Variants in FSIP2 observed in about 807,000 individuals in gnomAD.
The protein encoded by FSIP2 is fibrous sheath-interacting protein 2.
Under a neutral mutation model 510.5 loss-of-function variants are expected in FSIP2, and 367 were observed. The ratio of observed to expected loss-of-function variants is 0.72; its 90% CI spans 0.66 to 0.78. FSIP2 has a LOEUF of 0.78. Ranked by LOEUF, FSIP2 falls within the 30% of genes least tolerant of loss-of-function variation. FSIP2 has a pLI of 0.00. For missense variants in FSIP2, 7,594 were observed against 7,901.7 expected (o/e 0.96, Z 1.48); for synonymous variants, 2,601 against 2,732.2 (o/e 0.95, Z 1.50).
At chr2:185,773,444 C>T (rs1375848952) in intron 13 of FSIP2, among the ~76,000 whole-genome samples, 1 of 152,164 alleles carries the variant, frequency 6.6e-6, no homozygotes, top group Admixed American at 6.5e-5. Flanking sequence ...TTCACTTTGA[C>T]TGTAGTCTGG....
intron 7 of FSIP2, among the ~76,000 whole-genome samples, chr2:185,751,655 T>G (rs1397773718): frequency 6.6e-6 from 1 of 151,480 alleles, no homozygotes; most frequent in African/African-American, 2.4e-5. Context: ...TCTATGTTCT[T>G]TTCTTCATTT....
chr2:185,795,969 C>G lies in FSIP2; in HGVS notation c.8833C>G (p.Leu2945Val), dbSNP rs750106468. Residue 2945 changes from leucine to valine, a missense_variant, in exon 16 of 23, where the codon CTA (leucine) becomes GTA (valine). Physicochemically the swap from Leu to Val is conservative, Grantham distance 32. Coordinates refer to ENST00000424728, the MANE Select transcript of FSIP2 (RefSeq NM_173651.4). ...QIPTPDSEET[L>V]SNSKEHITAK... ...TCCCACTCCAGATAGTGAAGAAACT[C>G]TATCAAACAGTAAAGAACACATTAC... The G allele has an allele frequency of 6.5e-6, 10 of 1,534,754 alleles. No homozygotes were observed. In the South Asian group the frequency reaches 9.5e-5, roughly 15 times the overall value.
In FSIP2 at chr2:185,746,747, A is replaced by G; in HGVS notation, c.696A>G (p.Arg232=). 6.5e-7 allele frequency: 1 copy of G among 1,532,850 alleles called. No homozygotes were observed. The highest frequency in any genetic ancestry group is 8.7e-7 in the Non-Finnish European group (1 of 1,145,422). 95.0% of individuals were successfully genotyped at this position (1,532,850 alleles called of 1,614,324 possible). The change falls in exon 6 of 23, where the codon AGA becomes AGG. Residue 232 remains arginine (R), a synonymous_variant. Coordinates refer to ENST00000424728, the MANE Select transcript of FSIP2 (RefSeq NM_173651.4). ...AEEQRLFLMD[R]EERRQREHTR... is the part of the protein sequence containing the mutation. ...AACAACGCCTATTCCTAATGGATAG[A>G]GAAGAAAGACGACAGCGGGAACACA...
At position 185,796,955 on chromosome 2, in the gene FSIP2, G is replaced by T. The variant is rs758835152; in HGVS notation, c.9819G>T (p.Leu3273=). 1 of 1,534,906 alleles carries T rather than the reference G, an allele frequency of 6.5e-7. No homozygotes were observed. The highest frequency in any genetic ancestry group is 8.7e-7 in the Non-Finnish European group (1 of 1,146,238). The change falls in exon 16 of 23, where the codon CTG becomes CTT. Residue 3273 remains leucine (L), a synonymous_variant. Coordinates refer to ENST00000424728, the MANE Select transcript of FSIP2 (RefSeq NM_173651.4). The stretch of plus-strand genomic sequence containing the variant: ...CTGAAGGCAGTTTCTTACAAAAGCT[G>T]CTTAGGAAAGCAAGTGACTCCACAG... ...YLPEGSFLQK[L]LRKASDSTEA...
In FSIP2 at chr2:185,790,858, A is replaced by C; in HGVS notation, c.3722A>C (p.Glu1241Ala). ...TTATCTTTATTTGACGTTGATCCTG[A>C]AAAGCCTCCCTGGTTAAAATCTGGA... ...KYLSLFDVDP[E>A]KPPWLKSGKS... Residue 1241 changes from glutamate (E) to alanine (A), a missense_variant, in exon 16 of 23, where the codon GAA (glutamate) becomes GCA (alanine). Transcript: ENST00000424728. The C allele has an allele frequency of 6.5e-7, 1 of 1,532,894 alleles. No individual in the cohort carries two copies. The highest frequency in any genetic ancestry group is 8.7e-7 in the Non-Finnish European group (1 of 1,144,876). The allele number at this position is 1,532,894 out of a possible 1,614,324, so 95.0% of individuals were successfully genotyped here. A position where few individuals can be genotyped will look rare whatever the true frequency, so the allele number is the denominator to read the frequency against.
rs750756442 is a variant in FSIP2 at position 185,807,793 on chromosome 2, G to T, written c.18487G>T (p.Val6163Leu). The change falls in exon 17 of 23, where the codon GTG becomes TTG. Residue 6163 changes from valine (V) to leucine (L), a missense_variant. Transcript: ENST00000424728. Reference sequence around the variant, plus strand: ...TAAAGATGTTTTCCAAACTACTGATGTGCCCCTACCTAAACCTTCACATGC... The same window carrying T: ...TAAAGATGTTTTCCAAACTACTGATTTGCCCCTACCTAAACCTTCACATGC... ...ILKDVFQTTD[V>L]PLPKPSHADK... 17 of 1,612,642 alleles carry T rather than the reference G, an allele frequency of 1.1e-5. No homozygotes were observed. The South Asian group carries it at 1.6e-4, about 16-fold the overall frequency.
chr2:185,805,331 C>T lies in FSIP2; in HGVS notation c.16025C>T (p.Pro5342Leu). The change falls in exon 17 of 23, where the codon CCA (proline) becomes CTA (leucine). Residue 5342 changes from proline to leucine, a missense_variant. Coordinates refer to ENST00000424728, the MANE Select transcript of FSIP2 (RefSeq NM_173651.4). ...PNAEKMFSFP[P>L]IDKETVDKIS... ...GCTGAAAAAATGTTTTCTTTTCCACCAATTGATAAAGAGACAGTTGATAAA... is the reference window on the plus strand; with the variant it reads ...GCTGAAAAAATGTTTTCTTTTCCACTAATTGATAAAGAGACAGTTGATAAA... 1 of 1,597,036 alleles carries T rather than the reference C, an allele frequency of 6.3e-7. No individual in the cohort carries two copies. The highest frequency in any genetic ancestry group is 2.2e-5 in the East Asian group (1 of 44,656).
rs1390112242 is a variant in FSIP2, at chr2:185,801,552, C to A, written c.12246C>A (p.Gly4082=). 1.3e-6 allele frequency: 2 copies of A among 1,534,022 alleles called. No individual in the cohort carries two copies. Among genetic ancestry groups the A allele is most frequent in the South Asian group, 2.4e-5 (2 of 83,982 alleles). The change falls in exon 17 of 23, where the codon GGC becomes GGA. Residue 4082 remains glycine, a synonymous_variant. Coordinates refer to ENST00000424728, the MANE Select transcript of FSIP2 (RefSeq NM_173651.4). ...CAATAGCAGAACAAATAACAAATGG[C>A]ATATTGTTAGAGATTTTAGACTACA... ...NASIAEQITN[G]ILLEILDYKL...
Position 185,807,352 on chromosome 2 carries a change from G to A in FSIP2, c.18046G>A (p.Val6016Met). ...ATTACCTCATAAATTTTTGGAGAAT[G>A]TGATTTCTGCTCTTTTCTCCAAAAT... ...IILPHKFLEN[V>M]ISALFSKIFS... Residue 6016 changes from valine (V) to methionine (M), a missense_variant, in exon 17 of 23, where the codon GTG becomes ATG. Coordinates refer to ENST00000424728, the MANE Select transcript of FSIP2 (RefSeq NM_173651.4). The A allele has an allele frequency of 6.2e-7, 1 of 1,610,006 alleles. No homozygotes were observed. The highest frequency in any genetic ancestry group is 8.5e-7 in the Non-Finnish European group (1 of 1,178,626).
chr2:185,744,515 A>T, intron 4 of FSIP2, 104 bp downstream of exon 4: 1 of 266,604 alleles, frequency 3.8e-6, no homozygotes, highest in Non-Finnish European at 7.0e-6. Context: ...TTTATTATTG[A>T]CAAAGTAATT....
intron 13 of FSIP2, among the ~76,000 whole-genome samples, chr2:185,771,025 C>A (rs1427651309): frequency 6.6e-6 from 1 of 152,170 alleles, no homozygotes; most frequent in Non-Finnish European, 1.5e-5. Context: ...TCCCTTGATT[C>A]CATGTCTCTC....
chr2:185,791,622 T>C lies in FSIP2; in HGVS notation c.4486T>C (p.Cys1496Arg), dbSNP rs1559026545. ...AILDYILAKL[C>R]GVDMDTSFAS... ...TTTGGATTATATCCTTGCAAAATTATGTGGTGTTGACATGGATACCAGTTT... is the reference window on the plus strand; with the variant it reads ...TTTGGATTATATCCTTGCAAAATTACGTGGTGTTGACATGGATACCAGTTT... Residue 1496 changes from cysteine (C) to arginine (R), a missense_variant, in exon 16 of 23, where the codon TGT becomes CGT. Coordinates refer to ENST00000424728, the MANE Select transcript of FSIP2 (RefSeq NM_173651.4). 1 of 1,534,144 alleles carries C rather than the reference T, an allele frequency of 6.5e-7. No homozygotes were observed. Among genetic ancestry groups the C allele is most frequent in the Non-Finnish European group, 8.7e-7 (1 of 1,145,536 alleles).
At chr2:185,758,061 G>A (rs1018496753) in intron 9 of FSIP2, among the ~76,000 whole-genome samples, 2 of 151,092 alleles carry the variant, frequency 1.3e-5, no homozygotes, top group Non-Finnish European at 3.0e-5. Context: ...TTTTCTGTTG[G>A]AGAGTGTCAT....
At chr2:185,763,132 G>T in intron 11 of FSIP2, 51 bp from the exon 12 acceptor site, 1 of 802,102 alleles carries the variant, frequency 1.2e-6, no homozygotes, top group Non-Finnish European at 2.1e-6. Context: ...ATTAACCCTT[G>T]TCCCAGCAAT....
intron 13 of FSIP2, among the ~76,000 whole-genome samples, chr2:185,775,394 C>G (rs1692696524): frequency 6.6e-6 from 1 of 151,370 alleles, no homozygotes; most frequent in Admixed American, 6.6e-5. Flanking sequence ...TGAGAAGTGT[C>G]TGTTCATATC....
chr2:185,804,366 G>A lies in FSIP2; in HGVS notation c.15060G>A (p.Met5020Ile), dbSNP rs1184920751. Residue 5020 changes from methionine (M) to isoleucine (I), a missense_variant, in exon 17 of 23, where the codon ATG becomes ATA. By Grantham distance (10) the Met-to-Ile change is conservative (BLOSUM62 1). Coordinates refer to ENST00000424728, the MANE Select transcript of FSIP2 (RefSeq NM_173651.4). ...GTTTCTCAGAAAGATACAAAGAAAT[G>A]GTTCAAAAAATAGTCAACTCAGTAT... ...NLCFSERYKE[M>I]VQKIVNSVYG... 2.0e-6 allele frequency: 3 copies of A among 1,497,780 alleles called. No individual in the cohort carries two copies. Among genetic ancestry groups the A allele is most frequent in the South Asian group, 1.3e-5 (1 of 77,614 alleles). The allele number at this position is 1,497,780 out of a possible 1,614,324, so 92.8% of individuals were successfully genotyped here.
Position 185,794,861 on chromosome 2 carries a change from T to C in FSIP2, c.7725T>C (p.Asp2575=). Residue 2575 remains aspartate (D), a synonymous_variant, in exon 16 of 23, where the codon GAT becomes GAC. Coordinates refer to ENST00000424728, the MANE Select transcript of FSIP2 (RefSeq NM_173651.4). ...AAGTTGAAATATCTGACCACAATGA[T>C]TCCTTACTAATGAAACCATTAAGGT... ...RTEVEISDHN[D]SLLMKPLRFR... The C allele has an allele frequency of 6.5e-7, 1 of 1,533,288 alleles. No homozygotes were observed. The highest frequency in any genetic ancestry group is 8.7e-7 in the Non-Finnish European group (1 of 1,144,994). 95.0% of individuals were successfully genotyped at this position (1,533,288 alleles called of 1,614,324 possible).
intron 13 of FSIP2, among the ~76,000 whole-genome samples, chr2:185,776,179 G>A (rs930700135): frequency 3.3e-5 from 5 of 152,110 alleles, no homozygotes; most frequent in Admixed American, 6.6e-5. Context: ...GCTGAGGTGG[G>A]ATAATGACTT....
rs1435101183 is a variant in FSIP2 at position 185,792,024 on chromosome 2, A to G, written c.4888A>G (p.Thr1630Ala). Residue 1630 changes from threonine (T) to alanine (A), a missense_variant, in exon 16 of 23, where the codon ACA becomes GCA. Physicochemically the swap from Thr to Ala is moderately conservative, Grantham distance 58. Coordinates refer to ENST00000424728, the MANE Select transcript of FSIP2 (RefSeq NM_173651.4). Reference protein sequence around the residue: ...EYESTNISRDTHEASFLSALY... With the variant: ...EYESTNISRDAHEASFLSALY... The stretch of plus-strand genomic sequence containing the variant: ...TGAAAGCACCAATATTTCCAGAGAC[A>G]CACATGAAGCATCATTTCTGTCTGC... 1 of 1,534,084 alleles carries G rather than the reference A, an allele frequency of 6.5e-7. No individual in the cohort carries two copies. Among genetic ancestry groups the G allele is most frequent in the Admixed American group, 2.0e-5 (1 of 50,844 alleles).
Sources: gnomAD v4.1 joint callset for allele counts (sites outside exome capture counted in the v4.1 genomes callset) on GRCh38, gnomAD v4.1.1 for gene constraint, MANE v1.5 for transcripts, NCBI Gene and HGNC (gene_info 2026-07-23, HGNC 2026-07-21) for gene names.